Variants in LDLRAD4 observed in about 807,000 individuals in gnomAD.
The protein encoded by LDLRAD4 is low-density lipoprotein receptor class A domain-containing protein 4.
LDLRAD4 carries 5 observed loss-of-function variants against 17.0 expected under a neutral mutation model. The ratio of observed to expected loss-of-function variants is 0.29; its 90% CI spans 0.15 to 0.62. The LOEUF (loss-of-function observed/expected upper bound fraction) is 0.62, where lower values mean the gene tolerates loss of function less well. Ranked by LOEUF, LDLRAD4 falls within the 20% of genes least tolerant of loss-of-function variation. The probability of loss-of-function intolerance (pLI) is 0.84; values close to 1 mark genes in which losing one functional copy is unlikely to be tolerated. For synonymous variants in LDLRAD4, 168 were observed against 171.8 expected (o/e 0.98, Z 0.17); for missense variants, 340 against 424.7 (o/e 0.80, Z 1.75).
At chr18:13,336,618 C>T (rs2082115670) in intron 1 of LDLRAD4, among the ~76,000 whole-genome samples, 1 of 152,034 alleles carries the variant, frequency 6.6e-6, no homozygotes, top group South Asian at 2.1e-4. Context: ...TTCTGCAATA[C>T]CTATTCTGTC....
At chr18:13,268,010 T>C (rs1000266971) in intron 1 of LDLRAD4, among the ~76,000 whole-genome samples, 7 of 152,204 alleles carry the variant, frequency 4.6e-5, no homozygotes, top group African/African-American at 7.2e-5. Flanking sequence ...CGACAACTAC[T>C]ACCCCCAGTG....
intron 1 of LDLRAD4, among the ~76,000 whole-genome samples, chr18:13,226,179 G>GCT (rs1555621769): frequency 0.011 from 129 of 11,488 alleles, no homozygotes; most frequent in African/African-American, 0.021. Flanking sequence ...GCCATGCCTT[G>GCT]CTTTTTTTTT....
intron 1 of LDLRAD4, among the ~76,000 whole-genome samples, chr18:13,370,465 C>T (rs1047874571): frequency 2.0e-5 from 3 of 152,208 alleles, no homozygotes; most frequent in African/African-American, 7.2e-5. Flanking sequence ...TTTCAGTTTG[C>T]CTTTATTGAT....
intron 4 of LDLRAD4, among the ~76,000 whole-genome samples, chr18:13,639,406 C>T (rs981075949): frequency 3.3e-5 from 5 of 152,322 alleles, no homozygotes; most frequent in African/African-American, 7.2e-5. Flanking sequence ...GTCACACCCT[C>T]GTTTGACAGA....
At chr18:13,540,377 AAGGG>A (rs919383562) in intron 3 of LDLRAD4, among the ~76,000 whole-genome samples, 2 of 152,228 alleles carry the variant, frequency 1.3e-5, no homozygotes, top group African/African-American at 4.8e-5. Flanking sequence ...TGCAGTTGTT[AAGGG>A]CAAGCCAAGG....
At chr18:13,560,723 C>T (rs751584003) in intron 3 of LDLRAD4, among the ~76,000 whole-genome samples, 3 of 152,316 alleles carry the variant, frequency 2.0e-5, no homozygotes, top group Admixed American at 6.5e-5. Flanking sequence ...CCCTTTTCAG[C>T]GTCAGCTTTT....
intron 1 of LDLRAD4, among the ~76,000 whole-genome samples, chr18:13,372,948 A>G (rs1391903288): frequency 6.6e-6 from 1 of 152,254 alleles, no homozygotes; most frequent in African/African-American, 2.4e-5. Context: ...TCTGGGCTCC[A>G]GTTGCGTCTT....
intron 1 of LDLRAD4, among the ~76,000 whole-genome samples, chr18:13,322,130 G>A (rs111784911): frequency 0.012 from 1,855 of 151,490 alleles, 22 homozygotes; most frequent in African/African-American, 0.031. Flanking sequence ...GTTGTATTGC[G>A]ACACACTTAA....
At chr18:13,232,826 G>T (rs560741067) in intron 1 of LDLRAD4, among the ~76,000 whole-genome samples, 1 of 152,298 alleles carries the variant, frequency 6.6e-6, no homozygotes, top group East Asian at 1.9e-4. Context: ...GGAGAGGCGC[G>T]TGCCAGCTGT....
chr18:13,394,245 A>G (rs1399912583), intron 2 of LDLRAD4, among the ~76,000 whole-genome samples: 1 of 152,184 alleles, frequency 6.6e-6, no homozygotes, highest in Non-Finnish European at 1.5e-5. Context: ...TATTCCCATA[A>G]GCACCAAACT....
At chr18:13,279,673 A>G (rs1300883561) in intron 1 of LDLRAD4, 1 of 152,238 alleles carries the variant, frequency 6.6e-6, no homozygotes, top group East Asian at 1.9e-4. Flanking sequence ...CAAAATTGGT[A>G]ATGGAAAACT....
intron 3 of LDLRAD4, among the ~76,000 whole-genome samples, chr18:13,574,007 T>C (rs1284373403): frequency 2.0e-5 from 3 of 152,214 alleles, no homozygotes; most frequent in African/African-American, 7.2e-5. Flanking sequence ...GTGGGCTTCA[T>C]GCATAGCGAT....
intron 3 of LDLRAD4, among the ~76,000 whole-genome samples, chr18:13,584,819 C>G (rs1324669855): frequency 1.3e-5 from 2 of 152,206 alleles, no homozygotes; most frequent in Non-Finnish European, 2.9e-5. Context: ...TGTCCAAATC[C>G]TTCAGGGCTT....
intron 3 of LDLRAD4, among the ~76,000 whole-genome samples, chr18:13,463,520 T>G (rs745494623): frequency 2.0e-5 from 3 of 152,250 alleles, no homozygotes; most frequent in Non-Finnish European, 4.4e-5. Context: ...ACACATATTC[T>G]CATCTCCCAA....
chr18:13,257,817 T>G (rs1399536806), intron 1 of LDLRAD4, among the ~76,000 whole-genome samples: 1 of 152,212 alleles, frequency 6.6e-6, no homozygotes, highest in Non-Finnish European at 1.5e-5. Flanking sequence ...CACAAGGGTT[T>G]GTCCAACCCA....
chr18:13,397,174 C>T (rs191525348), intron 2 of LDLRAD4, among the ~76,000 whole-genome samples: 220 of 152,052 alleles, frequency 1.4e-3, no homozygotes, highest in South Asian at 8.3e-3. Context: ...CTCTCTCTGT[C>T]GCTCTGTCGC....
chr18:13,321,861 C>CAAAAAAAAAAAAAGAAAAAAAAAA (rs2081242564), intron 1 of LDLRAD4, among the ~76,000 whole-genome samples: 1 of 62,140 alleles, frequency 1.6e-5, no homozygotes, highest in African/African-American at 6.4e-5. Context: ...GACTCCGTCT[C>CAAAAAAAAAAAAAGAAAAAAAAAA]AAAAAAAAAA....
chr18:13,381,751 G>A (rs2085385384), intron 1 of LDLRAD4, among the ~76,000 whole-genome samples: 1 of 152,178 alleles, frequency 6.6e-6, no homozygotes, highest in Admixed American at 6.5e-5. Context: ...GCTTCTCAAG[G>A]GTCTTTTCCC....
In LDLRAD4 at chr18:13,367,688, A is replaced by G. The variant is rs2084158662; in HGVS notation, c.-382-19653A>G. ...GTGTGCCGAGAGGGGACAGCCGGGC[A>G]CGGGGGCACACGTTGTCAAGGGATA... On this transcript the variant is annotated intron_variant, in intron 1 of 5. Transcript: ENST00000359446. The surrounding 1 kb of genome is among the most constrained non-coding windows in gnomAD (Gnocchi z 4.1). 6.6e-6 allele frequency among the ~76,000 whole-genome samples: 1 copy of G among 151,602 alleles called. No homozygotes were observed. Among genetic ancestry groups the G allele is most frequent in the African/African-American group, 2.4e-5 (1 of 41,242 alleles).
Sources: allele counts gnomAD v4.1 joint callset (sites outside exome capture counted in the v4.1 genomes callset), GRCh38; gene constraint gnomAD v4.1.1; non-coding constraint Gnocchi (gnomAD v3.1); transcripts MANE v1.5; gene names NCBI Gene and HGNC (gene_info 2026-07-23, HGNC 2026-07-21).